The following AIFM2 variants were observed in gnomAD, a reference collection of about 807,000 sequenced individuals.
The protein encoded by AIFM2 is ferroptosis suppressor protein 1.
AIFM2 carries 38 observed loss-of-function variants against 35.7 expected under a neutral mutation model. That is an observed-to-expected ratio of 1.06 (90% CI 0.82 to 1.39). The LOEUF is 1.39. Ranked by LOEUF, AIFM2 falls within the 40% of genes most tolerant of loss-of-function variation. The pLI, the probability that AIFM2 is intolerant of heterozygous loss-of-function variation, is 0.00. For synonymous variants in AIFM2, 185 were observed against 203.5 expected (o/e 0.91, Z 0.77); for missense variants, 476 against 491.2 (o/e 0.97, Z 0.29).
At chr10:70,132,255 G>A (rs2072634309) in intron 1 of AIFM2, among the ~76,000 whole-genome samples, 1 of 152,208 alleles carries the variant, frequency 6.6e-6, no homozygotes, top group Admixed American at 6.5e-5. Flanking sequence ...GCTCCCCCGA[G>A]CCTATGGGCA....
intron 3 of AIFM2, among the ~76,000 whole-genome samples, chr10:70,121,918 C>T (rs765393764): frequency 2.0e-5 from 3 of 151,580 alleles, no homozygotes; most frequent in African/African-American, 7.3e-5. Flanking sequence ...ATGGCAAAAT[C>T]CCATCTCTAC....
intron 6 of AIFM2, 64 bp from the exon 7 acceptor site, chr10:70,116,838 G>A (rs2271693): frequency 0.13 from 207,505 of 1,593,900 alleles, 17,245 homozygotes; most frequent in East Asian, 0.35. Flanking sequence ...CTGGACCCCA[G>A]GCCAAGGCTA....
rs1258842993 is a variant in AIFM2 at position 70,113,573 on chromosome 10, A to C, written c.*605T>G. 6.6e-6 allele frequency: 1 copy of C among 152,262 alleles called. No individual in the cohort carries two copies. The highest frequency in any genetic ancestry group is 1.9e-4 in the East Asian group (1 of 5,198). The allele number at this position is 152,262 out of a possible 1,614,324, so 9.4% of individuals were successfully genotyped here. A position where few individuals can be genotyped will look rare whatever the true frequency, so the allele number is the denominator to read the frequency against. ...AATAAAGTGGAAATGTAGGAAGGCC[A>C]TGAGGCTTAAGGAGCACAGGGATTA... On this transcript the variant is annotated 3_prime_UTR_variant, in exon 9 of 9. Coordinates refer to ENST00000307864, the MANE Select transcript of AIFM2 (RefSeq NM_032797.6).
intron 1 of AIFM2, among the ~76,000 whole-genome samples, chr10:70,129,898 A>AT (rs1347954883): frequency 4.0e-5 from 6 of 151,822 alleles, no homozygotes; most frequent in African/African-American, 1.5e-4. Flanking sequence ...TTAAAAAAAA[A>AT]AAATGAGATG....
At chr10:70,121,929 TAAAAATAC>T (rs2072513025) in intron 3 of AIFM2, among the ~76,000 whole-genome samples, 1 of 151,602 alleles carries the variant, frequency 6.6e-6, no homozygotes, top group Non-Finnish European at 1.5e-5. Flanking sequence ...CCATCTCTAC[TAAAAATAC>T]AAAAATTAGC....
chr10:70,119,768 G>A (rs1056782922), intron 5 of AIFM2, among the ~76,000 whole-genome samples: 4 of 152,188 alleles, frequency 2.6e-5, no homozygotes, highest in African/African-American at 7.2e-5. Context: ...CTCAGAAGCC[G>A]ATCTGGCTTC....
At position 70,128,101 on chromosome 10, in the gene AIFM2, G is replaced by A. The variant is rs183074026; in HGVS notation, c.-13-4004C>T. Among the ~76,000 whole-genome samples the A allele has an allele frequency of 5.4e-3, 823 of 152,326 alleles. 9 individuals carry two copies. The highest frequency in any genetic ancestry group is 6.5e-3 in the Admixed American group (100 of 15,308). On this transcript the variant is annotated intron_variant, in intron 1 of 8. Coordinates refer to ENST00000307864, the MANE Select transcript of AIFM2 (RefSeq NM_032797.6). ...TGCTTGGCCATGATCTACTTGGCCA[G>A]ACACCTAAAGCAAGGGCTTAAGCCA...
rs1380436465 is a variant in AIFM2, at chr10:70,117,118, G to A, written c.617-344C>T. 6.6e-6 allele frequency among the ~76,000 whole-genome samples: 1 copy of A among 152,250 alleles called. No individual in the cohort carries two copies. Among genetic ancestry groups the A allele is most frequent in the Admixed American group, 6.5e-5 (1 of 15,292 alleles). The stretch of plus-strand genomic sequence containing the variant: ...GTGCCATCCTAACTAGGCAGGACGA[G>A]CGCTCCAAGTGCACCACGACAAAGG... On this transcript the variant is annotated intron_variant, in intron 6 of 8. Coordinates refer to ENST00000307864, the MANE Select transcript of AIFM2 (RefSeq NM_032797.6). The surrounding 1 kb of genome is among the most constrained non-coding windows in gnomAD (Gnocchi z 4.7).
Position 70,114,345 on chromosome 10 carries a change from C to T in AIFM2, c.971-16G>A, listed in dbSNP as rs779657402. 5.6e-6 allele frequency: 9 copies of T among 1,613,682 alleles called. No individual in the cohort carries two copies. The Admixed American group carries it at 1.3e-4, about 24-fold the overall frequency. On this transcript the variant is annotated splice_polypyrimidine_tract_variant and intron_variant, in intron 8 of 8. Transcript: ENST00000307864. Reference sequence around the variant, plus strand: ...GTCAGTGCACCTGCAAGCAGAGACACAGAAACAACCAGAACCTCACTGAAC... The same window carrying T: ...GTCAGTGCACCTGCAAGCAGAGACATAGAAACAACCAGAACCTCACTGAAC...
Position 70,117,683 on chromosome 10 carries a change from G to A in AIFM2, c.616+129C>T, listed in dbSNP as rs979765296. ...TCTGAGCGCTTCATGCTCCACCCCA[G>A]GACACAGTGGAAAAGAGAGAGCCTG... is the stretch of plus-strand genomic sequence containing the variant. On this transcript the variant is annotated intron_variant, in intron 6 of 8. Transcript: ENST00000307864. The surrounding 1 kb of genome is among the most constrained non-coding windows in gnomAD (Gnocchi z 4.7). 6.3e-5 allele frequency: 43 copies of A among 683,942 alleles called. No homozygotes were observed. Among genetic ancestry groups the A allele is most frequent in the Non-Finnish European group, 9.0e-5 (38 of 421,080 alleles). The allele number at this position is 683,942 out of a possible 1,614,324, so 42.4% of individuals were successfully genotyped here.
Position 70,123,994 on chromosome 10 carries a change from G to A in AIFM2, c.91C>T (p.Gln31Ter). Residue 31 changes from glutamine to a stop codon, truncating the protein, a stop_gained, in exon 2 of 9, where the codon CAG (glutamine) becomes TAG (stop). Transcript: ENST00000307864. LOFTEE classifies it high-confidence loss of function. ...FGGIAAASQL[Q>*]ALNVPFMLVD... Reference sequence around the variant, plus strand: ...AGCATGAAGGGGACGTTCAGGGCCTGCAGCTGGCTGGCTGCTGCGATCCCG... The same window carrying A: ...AGCATGAAGGGGACGTTCAGGGCCTACAGCTGGCTGGCTGCTGCGATCCCG... 1.9e-6 allele frequency: 3 copies of A among 1,613,148 alleles called. No homozygotes were observed. The highest frequency in any genetic ancestry group is 2.5e-6 in the Non-Finnish European group (3 of 1,179,504).
intron 8 of AIFM2, 38 bp from the exon 9 acceptor site, chr10:70,114,367 G>T: frequency 6.2e-7 from 1 of 1,612,856 alleles, no homozygotes; most frequent in South Asian, 1.1e-5. Context: ...GAACCTCACT[G>T]AACCGCCTGG....
Position 70,116,667 on chromosome 10 carries a change from A to G in AIFM2, c.724T>C (p.Cys242Arg), listed in dbSNP as rs916707655. ...GAGCTGTTGATCTTGATGCCGGTGC[A>G]GAGAATCACCAGGTTGGTGGCCACC... is the stretch of plus-strand genomic sequence containing the variant. ...TEVATNLVIL[C>R]TGIKINSSAY... Residue 242 changes from cysteine (C) to arginine (R), a missense_variant, in exon 7 of 9, where the codon TGC becomes CGC. Transcript: ENST00000307864. 6.2e-7 allele frequency: 1 copy of G among 1,614,072 alleles called. No homozygotes were observed. The highest frequency in any genetic ancestry group is 8.5e-7 in the Non-Finnish European group (1 of 1,180,048).
At chr10:70,114,745 G>A (rs959529793) in intron 8 of AIFM2, 175 bp downstream of exon 8, 226 of 796,878 alleles carry the variant, frequency 2.8e-4, no homozygotes, top group Middle Eastern at 1.1e-3. Context: ...AAGTGCTGGG[G>A]TTACAGGTGT....
In AIFM2 at chr10:70,132,342, C is replaced by A. The variant is rs192641831; in HGVS notation, c.-14+392G>T. ...CTCTCACACCTGCTTCTGTCCGGAC[C>A]GGCCGCTTCTACCCAGCGGACCCTC... On this transcript the variant is annotated intron_variant, in intron 1 of 8. Transcript: ENST00000307864. Among the ~76,000 whole-genome samples the A allele has an allele frequency of 1.6e-3, 245 of 152,316 alleles. 2 individuals are homozygous for A. Among genetic ancestry groups the A allele is most frequent in the Non-Finnish European group, 2.8e-3 (192 of 68,014 alleles).
chr10:70,120,403 T>C, intron 5 of AIFM2, 104 bp downstream of exon 5: 2 of 1,156,366 alleles, frequency 1.7e-6, no homozygotes, highest in Non-Finnish European at 2.6e-6. Context: ...TTTATGTGAA[T>C]AGAGCTCCAG....
chr10:70,126,269 G>T (rs898427503), intron 1 of AIFM2, among the ~76,000 whole-genome samples: 1 of 152,248 alleles, frequency 6.6e-6, no homozygotes, highest in Non-Finnish European at 1.5e-5. Context: ...CAGGCTGCTG[G>T]GGGGAGATGC....
rs1288054581 is a variant in AIFM2 at position 70,123,930 on chromosome 10, G to A, written c.155C>T (p.Ala52Val). 2.5e-6 allele frequency: 4 copies of A among 1,597,088 alleles called. No individual in the cohort carries two copies. The highest frequency in any genetic ancestry group is 3.4e-6 in the Non-Finnish European group (4 of 1,168,214). Residue 52 changes from alanine to valine, a missense_variant, in exon 2 of 9, where the codon GCT (alanine) becomes GTT (valine). Ala to Val is a moderately conservative substitution (Grantham distance 64). Transcript: ENST00000307864. Reference protein sequence around the residue: ...MKDSFHHNVAALRASVETGFA... With the variant: ...MKDSFHHNVAVLRASVETGFA... ...ACCTGTCTCCACGGAGGCTCGGAGAGCAGCCACATTGTGGTGGAAGGAGTC... is the reference window on the plus strand; with the variant it reads ...ACCTGTCTCCACGGAGGCTCGGAGAACAGCCACATTGTGGTGGAAGGAGTC...
In AIFM2 at chr10:70,116,684, G is replaced by A; in HGVS notation, c.707C>T (p.Thr236Ile). 6.2e-7 allele frequency: 1 copy of A among 1,614,166 alleles called. No homozygotes were observed. The highest frequency in any genetic ancestry group is 8.5e-7 in the Non-Finnish European group (1 of 1,180,036). ...VQTDKGTEVA[T>I]NLVILCTGIK... Reference sequence around the variant, plus strand: ...GCCGGTGCAGAGAATCACCAGGTTGGTGGCCACCTCTGTGCCTTTGTCCGT... The same window carrying A: ...GCCGGTGCAGAGAATCACCAGGTTGATGGCCACCTCTGTGCCTTTGTCCGT... Residue 236 changes from threonine (T) to isoleucine (I), a missense_variant, in exon 7 of 9, where the codon ACC becomes ATC. Thr to Ile is a moderately conservative substitution (Grantham distance 89). Coordinates refer to ENST00000307864, the MANE Select transcript of AIFM2 (RefSeq NM_032797.6).
Sources: gnomAD v4.1 joint callset for allele counts (sites outside exome capture counted in the v4.1 genomes callset) on GRCh38, gnomAD v4.1.1 for gene constraint, Gnocchi (gnomAD v3.1) non-coding constraint, MANE v1.5 for transcripts, NCBI Gene and HGNC (gene_info 2026-07-23, HGNC 2026-07-21) for gene names.